DYNC1H1: variants seen among roughly 807,000 people sequenced by gnomAD.
DYNC1H1 encodes cytoplasmic dynein 1 heavy chain 1.
Under a neutral mutation model 527.1 loss-of-function variants are expected in DYNC1H1, and 51 were observed. The ratio of observed to expected loss-of-function variants is 0.10; its 90% confidence interval spans 0.08 to 0.12. DYNC1H1 has a LOEUF of 0.12. Ranked by LOEUF, DYNC1H1 falls within the 10% of genes least tolerant of loss-of-function variation. DYNC1H1 has a pLI of 1.00. For missense variants in DYNC1H1, 2,771 were observed against 5,971.8 expected (o/e 0.46, Z 17.66); for synonymous variants, 2,189 against 2,278.8 (o/e 0.96, Z 1.12).
At position 102,011,824 on chromosome 14, in the gene DYNC1H1, C is replaced by T; in HGVS notation, c.6619-51C>T. On this transcript the variant is annotated intron_variant, in intron 32 of 77. Transcript: ENST00000360184. The surrounding 1 kb of genome is among the most constrained non-coding windows in gnomAD (Gnocchi z 5.3). ...AAGAGGTGGCTGGGCGAGGAGCTGT[C>T]CCCATTCCTCCTCTGGGATGGTCAC... is the stretch of plus-strand genomic sequence containing the variant. 6 of 1,579,116 alleles carry T rather than the reference C, an allele frequency of 3.8e-6. No homozygotes were observed. The highest frequency in any genetic ancestry group is 3.5e-6 in the Non-Finnish European group (4 of 1,148,536).
chr14:102,050,542 C>T lies in DYNC1H1; in HGVS notation c.13920C>T (p.Val4640=), dbSNP rs573332348. 24 of 1,614,200 alleles carry T rather than the reference C, an allele frequency of 1.5e-5. 1 individual carries two copies. Among genetic ancestry groups the T allele is most frequent in the Middle Eastern group, 1.6e-4 (1 of 6,062 alleles). The change falls in exon 78 of 78, where the codon GTC becomes GTT. Residue 4640 remains valine, a synonymous_variant. Coordinates refer to ENST00000360184, the MANE Select transcript of DYNC1H1 (RefSeq NM_001376.5). ...CTCGCAGCTTCTACGAGCGGGGTGTCGCAGTCTTGTGCACAGAGTAAACTT... is the reference window on the plus strand; with the variant it reads ...CTCGCAGCTTCTACGAGCGGGGTGTTGCAGTCTTGTGCACAGAGTAAACTT... ...EDPRSFYERG[V]AVLCTE
chr14:102,033,274 C>T lies in DYNC1H1; in HGVS notation c.10203C>T (p.Asn3401=), dbSNP rs369455947. 4.0e-5 allele frequency: 65 copies of T among 1,614,074 alleles called. No individual in the cohort carries two copies. The highest frequency in any genetic ancestry group is 1.6e-4 in the Middle Eastern group (1 of 6,084). ...TATCAATTGGTTCTTCCCAGCTTAA[C>T]TATGCAGACATGTTAAAGAGAGTGG... is the stretch of plus-strand genomic sequence containing the variant. ...PMVKWAIAQL[N]YADMLKRVEP... is the part of the protein sequence containing the mutation. Residue 3401 remains asparagine (N), a synonymous_variant, in exon 54 of 78, where the codon AAC becomes AAT. Coordinates refer to ENST00000360184, the MANE Select transcript of DYNC1H1 (RefSeq NM_001376.5). This position sits in a 1 kb window ranked among gnomAD's most constrained non-coding sequence, Gnocchi z 5.6.
In DYNC1H1 at chr14:102,049,173, G is replaced by T. The variant is rs542278279; in HGVS notation, c.13373-267G>T. 3.3e-5 allele frequency: 18 copies of T among 543,984 alleles called. No individual in the cohort carries two copies. The highest frequency in any genetic ancestry group is 5.3e-5 in the Non-Finnish European group (16 of 301,666). 33.7% of individuals were successfully genotyped at this position (543,984 alleles called of 1,614,324 possible). A position where few individuals can be genotyped will look rare whatever the true frequency, so the allele number is the denominator to read the frequency against. On this transcript the variant is annotated intron_variant, in intron 74 of 77. Coordinates refer to ENST00000360184, the MANE Select transcript of DYNC1H1 (RefSeq NM_001376.5). The surrounding 1 kb of genome is among the most constrained non-coding windows in gnomAD (Gnocchi z 5.5). ...TTTAGCCGCGGTTTTGCTTGGATGT[G>T]ATTATGGTCCTCCAGAAAGACACAC... is the stretch of plus-strand genomic sequence containing the variant.
rs2141274780 is a variant in DYNC1H1, at chr14:101,986,145, C to T, written c.1920C>T (p.Asp640=). 6.2e-7 allele frequency: 1 copy of T among 1,614,232 alleles called. No individual in the cohort carries two copies. Among genetic ancestry groups the T allele is most frequent in the Admixed American group, 1.7e-5 (1 of 60,032 alleles). Residue 640 remains aspartate, a synonymous_variant, in exon 8 of 78, where the codon GAC becomes GAT. Transcript: ENST00000360184. The surrounding 1 kb of genome is among the most constrained non-coding windows in gnomAD (Gnocchi z 8.7). ...CTTGTAAGATGAGTCACGTTCGTGA[C>T]TTGCCCCCTGTGTCAGGGTCTATCA... ...SQACKMSHVR[D]LPPVSGSIIW... is the part of the protein sequence containing the mutation.
chr14:102,005,129 G>A lies in DYNC1H1; in HGVS notation c.5326G>A (p.Ala1776Thr), dbSNP rs200722698. Residue 1776 changes from alanine (A) to threonine (T), a missense_variant, in exon 26 of 78, where the codon GCG becomes ACG. Transcript: ENST00000360184. This position sits in a 1 kb window ranked among gnomAD's most constrained non-coding sequence, Gnocchi z 4.0. ...LSSMGGGGDA[A>T]PLHSVLSNVE... ...CAGCATGGGCGGAGGTGGAGATGCC[G>A]CGCCCTTGCACTCTGTGCTGAGCAA... is the stretch of plus-strand genomic sequence containing the variant. 4.2e-5 allele frequency: 67 copies of A among 1,614,030 alleles called. No individual in the cohort carries two copies. The highest frequency in any genetic ancestry group is 1.6e-4 in the Middle Eastern group (1 of 6,084).
chr14:101,980,525 C>A lies in DYNC1H1; in HGVS notation c.936C>A (p.Ala312=). Reference sequence around the variant, plus strand: ...TGAAACATGGCAAGCGCTTCCATGCCACCGTCAGTTTTGACACTGACACAG... The same window carrying A: ...TGAAACATGGCAAGCGCTTCCATGCAACCGTCAGTTTTGACACTGACACAG... The part of the protein sequence containing the change: ...DILKHGKRFH[A]TVSFDTDTGL... The change falls in exon 5 of 78, where the codon GCC becomes GCA. Residue 312 remains alanine (A), a synonymous_variant. Coordinates refer to ENST00000360184, the MANE Select transcript of DYNC1H1 (RefSeq NM_001376.5). The A allele has an allele frequency of 6.2e-7, 1 of 1,614,204 alleles. No individual in the cohort carries two copies. The highest frequency in any genetic ancestry group is 1.1e-5 in the South Asian group (1 of 91,084).
intron 44 of DYNC1H1, 136 bp downstream of exon 44, chr14:102,026,843 C>T (rs2048456929): frequency 3.0e-6 from 4 of 1,320,094 alleles, no homozygotes. Context: ...CTTCCCCCTT[C>T]TCTTCTTTCT....
At chr14:102,021,701 C>T (rs1335390842) in intron 42 of DYNC1H1, among the ~76,000 whole-genome samples, 11 of 148,920 alleles carry the variant, frequency 7.4e-5, no homozygotes, top group Non-Finnish European at 1.5e-5. Context: ...GCTTTGTCAC[C>T]CAGGCTAGAG....
chr14:102,039,132 G>A lies in DYNC1H1; in HGVS notation c.11338G>A (p.Val3780Ile). The change falls in exon 60 of 78, where the codon GTC becomes ATC. Residue 3780 changes from valine to isoleucine, a missense_variant. Coordinates refer to ENST00000360184, the MANE Select transcript of DYNC1H1 (RefSeq NM_001376.5). The surrounding 1 kb of genome is among the most constrained non-coding windows in gnomAD (Gnocchi z 7.0). Reference protein sequence around the residue: ...LENLKREAAEVTRKVEETDIV... With the variant: ...LENLKREAAEITRKVEETDIV... ...GAACCTGAAGAGAGAGGCTGCAGAG[G>A]TCACCAGGAAAGTTGAGGAGACGGA... 1 of 1,614,196 alleles carries A rather than the reference G, an allele frequency of 6.2e-7. No homozygotes were observed. The highest frequency in any genetic ancestry group is 8.5e-7 in the Non-Finnish European group (1 of 1,180,032).
chr14:102,045,692 C>G (rs548564420), intron 72 of DYNC1H1, among the ~76,000 whole-genome samples: 27 of 151,804 alleles, frequency 1.8e-4, no homozygotes, highest in African/African-American at 6.3e-4. Flanking sequence ...TTTTTAAAAC[C>G]ATTCATCTTC....
At position 102,016,519 on chromosome 14, in the gene DYNC1H1, G is replaced by A. The variant is rs772722571; in HGVS notation, c.7614+30G>A. 1 of 1,614,098 alleles carries A rather than the reference G, an allele frequency of 6.2e-7. No homozygotes were observed. The highest frequency in any genetic ancestry group is 8.5e-7 in the Non-Finnish European group (1 of 1,180,032). On this transcript the variant is annotated intron_variant, in intron 37 of 77. Transcript: ENST00000360184. This position sits in a 1 kb window ranked among gnomAD's most constrained non-coding sequence, Gnocchi z 7.3. Reference sequence around the variant, plus strand: ...GCATGCAGCTACCACCCGTGTTTCTGATTCTCGCCTTGTTGATTTAACTCA... The same window carrying A: ...GCATGCAGCTACCACCCGTGTTTCTAATTCTCGCCTTGTTGATTTAACTCA...
rs1053384442 is a variant in DYNC1H1, at chr14:102,051,132, C to G, written c.*569C>G. The G allele has an allele frequency of 1.6e-5, 3 of 190,592 alleles. No homozygotes were observed. The Admixed American group carries it at 1.6e-4, about 10-fold the overall frequency. The allele number at this position is 190,592 out of a possible 1,614,324, so 11.8% of individuals were successfully genotyped here. ...TTAAATCAGGTGTGGTGGTGCATGC[C>G]TGTAGTCCCAGCTACTTGAGGGCTG... On this transcript the variant is annotated 3_prime_UTR_variant, in exon 78 of 78. Coordinates refer to ENST00000360184, the MANE Select transcript of DYNC1H1 (RefSeq NM_001376.5).
chr14:101,993,911 A>T (rs142402798), intron 11 of DYNC1H1, among the ~76,000 whole-genome samples: 2 of 152,302 alleles, frequency 1.3e-5, no homozygotes, highest in Admixed American at 6.5e-5. Context: ...AGGCACTCAG[A>T]TAGTTAAAAT....
At position 102,036,374 on chromosome 14, in the gene DYNC1H1, C is replaced by T. The variant is rs2048575222; in HGVS notation, c.10755-115C>T. On this transcript the variant is annotated intron_variant, in intron 56 of 77. Coordinates refer to ENST00000360184, the MANE Select transcript of DYNC1H1 (RefSeq NM_001376.5). This position sits in a 1 kb window ranked among gnomAD's most constrained non-coding sequence, Gnocchi z 5.6. ...TGAAAACGTCTCCGGAAACCACTCT[C>T]GGGTGGTGGTAACAGCCTATCAATC... 7.9e-6 allele frequency: 11 copies of T among 1,398,446 alleles called. No individual in the cohort carries two copies. Among genetic ancestry groups the T allele is most frequent in the Admixed American group, 1.7e-5 (1 of 59,244 alleles). The allele number at this position is 1,398,446 out of a possible 1,614,324, so 86.6% of individuals were successfully genotyped here.
In DYNC1H1 at chr14:102,012,248, G is replaced by A. The variant is rs544874476; in HGVS notation, c.6858-66G>A. On this transcript the variant is annotated intron_variant, in intron 33 of 77. Transcript: ENST00000360184. The surrounding 1 kb of genome is among the most constrained non-coding windows in gnomAD (Gnocchi z 4.9). ...AAAGGTCATTTCAGAAACCATCATC[G>A]GTAAACATGCCTAATGTTAAAATCT... 189 of 1,613,128 alleles carry A rather than the reference G, an allele frequency of 1.2e-4. 2 individuals carry two copies. In the African/African-American group the frequency reaches 2.2e-3, roughly 18 times the overall value.
In DYNC1H1 at chr14:101,997,411, AAGCAGATGGAGAT is replaced by A; in HGVS notation, c.3804+142_3804+154del. On this transcript the variant is annotated intron_variant, in intron 16 of 77. Coordinates refer to ENST00000360184, the MANE Select transcript of DYNC1H1 (RefSeq NM_001376.5). The surrounding 1 kb of genome is among the most constrained non-coding windows in gnomAD (Gnocchi z 4.8). ...ACTCTTTTCCTTTTTGTAGTTAAAA[AAGCAGATGGAGAT>A]AGCAAATGTGAAAATATGAAGCCCA... 6.8e-7 allele frequency: 1 copy of A among 1,468,136 alleles called. No individual in the cohort carries two copies. The highest frequency in any genetic ancestry group is 1.4e-5 in the African/African-American group (1 of 71,400). The allele number at this position is 1,468,136 out of a possible 1,614,324, so 90.9% of individuals were successfully genotyped here. A position where few individuals can be genotyped will look rare whatever the true frequency, so the allele number is the denominator to read the frequency against.
At chr14:101,973,407 G>T (rs953905889) in intron 1 of DYNC1H1, among the ~76,000 whole-genome samples, 2 of 151,948 alleles carry the variant, frequency 1.3e-5, no homozygotes, top group East Asian at 3.9e-4. Flanking sequence ...TGATCTGCCC[G>T]CCTCGGCCTC....
chr14:101,976,892 A>T (rs926724258), intron 2 of DYNC1H1, among the ~76,000 whole-genome samples: 1 of 152,234 alleles, frequency 6.6e-6, no homozygotes, highest in Admixed American at 6.5e-5. Context: ...ACAACTATTT[A>T]TGTATTGTTT....
chr14:101,982,993 C>A, intron 5 of DYNC1H1, 26 bp from the exon 6 acceptor site: 3 of 1,605,010 alleles, frequency 1.9e-6, no homozygotes, highest in South Asian at 2.2e-5. Flanking sequence ...ATGTGAAAAC[C>A]ATTAACTCTT....
Sources: gnomAD v4.1 joint callset for allele counts (sites outside exome capture counted in the v4.1 genomes callset) on GRCh38, gnomAD v4.1.1 for gene constraint, Gnocchi (gnomAD v3.1) non-coding constraint, MANE v1.5 for transcripts, NCBI Gene and HGNC (gene_info 2026-07-23, HGNC 2026-07-21) for gene names.